Variants in RBMS3 observed in about 807,000 individuals in gnomAD.
RBMS3 encodes RNA binding motif single stranded interacting protein 3.
RBMS3 carries 27 observed loss-of-function variants against 66.8 expected under a neutral mutation model. That is an observed-to-expected ratio of 0.40 (90% CI 0.30 to 0.56). The LOEUF (loss-of-function observed/expected upper bound fraction) is 0.56. RBMS3 is among the 20% of genes least tolerant of loss of function. RBMS3 has a pLI of 0.40. For missense variants in RBMS3, 513 were observed against 549.5 expected (o/e 0.93, Z 0.66); for synonymous variants, 188 against 183.0 (o/e 1.03, Z -0.22).
chr3:29,654,071 G>T (rs2149217436), intron 4 of RBMS3, among the ~76,000 whole-genome samples: 1 of 152,256 alleles, frequency 6.6e-6, no homozygotes, highest in East Asian at 1.9e-4. Flanking sequence ...ACAGGAAATT[G>T]GTAGTAAGTC....
At chr3:29,547,591 G>A (rs535000634) in intron 3 of RBMS3, among the ~76,000 whole-genome samples, 1 of 151,838 alleles carries the variant, frequency 6.6e-6, no homozygotes, top group Admixed American at 6.6e-5. Context: ...TCATATTGCT[G>A]AGGGATATTT....
chr3:29,468,272 A>T (rs2042606478), intron 2 of RBMS3, among the ~76,000 whole-genome samples: 3 of 152,166 alleles, frequency 2.0e-5, no homozygotes, highest in Admixed American at 2.0e-4. Flanking sequence ...GTGGACCAGA[A>T]GATCTCTATG....
chr3:29,625,703 A>AGT (rs200498213), intron 4 of RBMS3, among the ~76,000 whole-genome samples: 4,709 of 138,192 alleles, frequency 0.034, 175 homozygotes, highest in South Asian at 0.083. Flanking sequence ...CATTAAAGTA[A>AGT]ATAAATAAAT....
chr3:29,425,108 C>T (rs1296639131), intron 1 of RBMS3, among the ~76,000 whole-genome samples: 1 of 150,382 alleles, frequency 6.6e-6, no homozygotes, highest in African/African-American at 2.4e-5. Context: ...CTTTGGGAGG[C>T]CGAGGTGGGC....
intron 3 of RBMS3, among the ~76,000 whole-genome samples, chr3:29,489,682 AGGT>A (rs1204894994): frequency 6.7e-6 from 1 of 150,272 alleles, no homozygotes; most frequent in African/African-American, 2.4e-5. Context: ...AGCTTGGGAC[AGGT>A]GGATGTTCAG....
At chr3:29,714,239 G>T (rs1312714599) in intron 4 of RBMS3, among the ~76,000 whole-genome samples, 1 of 143,152 alleles carries the variant, frequency 7.0e-6, no homozygotes, top group Non-Finnish European at 1.5e-5. Flanking sequence ...GAACAGTTCT[G>T]AAGGTAGAAT....
rs1361526247 is a variant in RBMS3 at position 29,728,382 on chromosome 3, A to T, written c.400-11338A>T. On this transcript the variant is annotated intron_variant, in intron 4 of 14. Transcript: ENST00000383767. ...AGAACTTAAAATAACATCTAAAGAA[A>T]AATGTAAATAATGTATATGCCAAAT... Among the ~76,000 whole-genome samples, 3 of 152,164 alleles carry T rather than the reference A, an allele frequency of 2.0e-5. No homozygotes were observed. The East Asian group carries it at 5.8e-4, about 29-fold the overall frequency.
intron 1 of RBMS3, among the ~76,000 whole-genome samples, chr3:29,335,986 G>A (rs972175816): frequency 1.3e-5 from 2 of 151,940 alleles, no homozygotes; most frequent in African/African-American, 4.8e-5. Flanking sequence ...TGGGCCTGGC[G>A]TACCTTAATT....
At chr3:29,603,571 CCCT>C (rs2048220173) in intron 4 of RBMS3, among the ~76,000 whole-genome samples, 1 of 151,886 alleles carries the variant, frequency 6.6e-6, no homozygotes, top group African/African-American at 2.4e-5. Flanking sequence ...ATGCCAGAGC[CCCT>C]CCACACTTCA....
At position 29,991,081 on chromosome 3, in the gene RBMS3, G is replaced by T. The variant is rs748959773; in HGVS notation, c.1180-1G>T. 1 of 1,614,008 alleles carries T rather than the reference G, an allele frequency of 6.2e-7. No homozygotes were observed. The highest frequency in any genetic ancestry group is 8.5e-7 in the Non-Finnish European group (1 of 1,179,956). On this transcript the variant is annotated splice_acceptor_variant, in intron 13 of 14. Transcript: ENST00000383767. LOFTEE classifies it high-confidence loss of function. The stretch of plus-strand genomic sequence containing the variant: ...TTTTATGTTCTTATTTGCCTCCTTA[G>T]GGTGTTGTTGCTGATACCTCTCCCC...
chr3:29,583,669 C>G (rs556675973), intron 3 of RBMS3, among the ~76,000 whole-genome samples: 1 of 152,066 alleles, frequency 6.6e-6, no homozygotes, highest in African/African-American at 2.4e-5. Context: ...TTTCTAGATA[C>G]GCCCACCCTT....
intron 1 of RBMS3, among the ~76,000 whole-genome samples, chr3:29,427,908 A>G (rs2041022081): frequency 6.6e-6 from 1 of 152,200 alleles, no homozygotes; most frequent in South Asian, 2.1e-4. Context: ...GGGGAATTGC[A>G]TGCAAAAAAT....
At chr3:29,867,110 A>G (rs2059382078) in intron 6 of RBMS3, among the ~76,000 whole-genome samples, 1 of 152,090 alleles carries the variant, frequency 6.6e-6, no homozygotes, top group Admixed American at 6.6e-5. Flanking sequence ...ATGATTTTCA[A>G]ATATTTATTT....
intron 1 of RBMS3, among the ~76,000 whole-genome samples, chr3:29,424,860 T>A (rs2040882082): frequency 6.6e-6 from 1 of 152,200 alleles, no homozygotes; most frequent in South Asian, 2.1e-4. Context: ...CATTATTATC[T>A]GAAGCCATGA....
intron 3 of RBMS3, among the ~76,000 whole-genome samples, chr3:29,498,347 C>A (rs1051537198): frequency 9.2e-5 from 14 of 151,824 alleles, no homozygotes; most frequent in Non-Finnish European, 1.6e-4. Context: ...TGGAGTTATT[C>A]TTTTTAATGG....
intron 3 of RBMS3, among the ~76,000 whole-genome samples, chr3:29,566,743 G>A (rs898378751): frequency 2.0e-5 from 3 of 151,936 alleles, no homozygotes; most frequent in Non-Finnish European, 2.9e-5. Context: ...ATGCCTGGTT[G>A]CTGGGGGTGT....
chr3:30,002,967 T>A (rs142078529), intron 14 of RBMS3, among the ~76,000 whole-genome samples: 3 of 152,070 alleles, frequency 2.0e-5, no homozygotes, highest in East Asian at 3.9e-4. Context: ...TAACACTGAG[T>A]CAAATTTACT....
chr3:29,676,731 A>G (rs1271287341), intron 4 of RBMS3, among the ~76,000 whole-genome samples: 1 of 152,192 alleles, frequency 6.6e-6, no homozygotes, highest in East Asian at 1.9e-4. Context: ...GCTATATTCT[A>G]ATATCTGTGC....
intron 14 of RBMS3, among the ~76,000 whole-genome samples, chr3:29,995,491 A>C (rs577337900): frequency 0.011 from 1,606 of 151,912 alleles, 26 homozygotes; most frequent in African/African-American, 0.037. Context: ...AATGAAGGGA[A>C]AAATGTTAAG....
Sources: gnomAD v4.1 joint callset for allele counts (sites outside exome capture counted in the v4.1 genomes callset) on GRCh38, gnomAD v4.1.1 for gene constraint, MANE v1.5 for transcripts, NCBI Gene and HGNC (gene_info 2026-07-23, HGNC 2026-07-21) for gene names.